PDE8A: variants seen among roughly 807,000 people sequenced by gnomAD.
PDE8A encodes high affinity cAMP-specific and IBMX-insensitive 3',5'-cyclic phosphodiesterase 8A.
In PDE8A, 59 loss-of-function variants were observed where a neutral mutation model predicts 105.0. The ratio of observed to expected loss-of-function variants is 0.56; its 90% CI spans 0.46 to 0.70. PDE8A has a LOEUF of 0.70. Among genes scored for constraint, PDE8A ranks in the 30% least tolerant of loss-of-function variants. The pLI is 0.00. For missense variants in PDE8A, 1,014 were observed against 1,045.9 expected (o/e 0.97, Z 0.42); for synonymous variants, 355 against 371.9 (o/e 0.95, Z 0.52).
At position 85,098,089 on chromosome 15, in the gene PDE8A, C is replaced by T. The variant is rs374541169; in HGVS notation, c.941+53C>T. On this transcript the variant is annotated intron_variant, in intron 9 of 21. Coordinates refer to ENST00000394553, the MANE Select transcript of PDE8A (RefSeq NM_002605.3). ...CAACATACAGTGTTTTGGGTTATTG[C>T]AGAATTTGCTTTGAATATTTAAGTT... 3.5e-5 allele frequency: 37 copies of T among 1,071,502 alleles called. No homozygotes were observed. The East Asian group carries it at 7.8e-4, about 23-fold the overall frequency. The allele number at this position is 1,071,502 out of a possible 1,614,324, so 66.4% of individuals were successfully genotyped here.
chr15:85,024,724 A>T (rs765356560), intron 1 of PDE8A, among the ~76,000 whole-genome samples: 1 of 151,986 alleles, frequency 6.6e-6, no homozygotes, highest in African/African-American at 2.4e-5. Context: ...TCATTCCCCT[A>T]TTGACTCTTA....
chr15:84,995,098 A>G (rs1461544416), intron 1 of PDE8A, among the ~76,000 whole-genome samples: 2 of 152,178 alleles, frequency 1.3e-5, no homozygotes, highest in Non-Finnish European at 2.9e-5. Flanking sequence ...AAATGCACAA[A>G]TATTTAGTGT....
At chr15:85,133,327 A>G (rs1480674045) in intron 20 of PDE8A, among the ~76,000 whole-genome samples, 1 of 151,984 alleles carries the variant, frequency 6.6e-6, no homozygotes, top group African/African-American at 2.4e-5. Flanking sequence ...TTGCTTTTCT[A>G]CCTGGGAGCT....
chr15:85,099,851 C>A, intron 9 of PDE8A, 164 bp from the exon 10 acceptor site: 1 of 628,698 alleles, frequency 1.6e-6, no homozygotes, highest in East Asian at 2.6e-5. Context: ...TGTTTGTGAT[C>A]TCTTCTTTAT....
rs148117493 is a variant in PDE8A, at chr15:85,046,155, C to T, written c.187-18215C>T. ...CTGTCTCAGCTCAGTGCAATCTCTG[C>T]CTCCCAGGTTCAATCCCTCCTGAGT... is the stretch of plus-strand genomic sequence containing the variant. On this transcript the variant is annotated intron_variant, in intron 1 of 21. Transcript: ENST00000394553. Among the ~76,000 whole-genome samples the T allele has an allele frequency of 8.9e-3, 1,341 of 151,414 alleles. 23 individuals carry two copies. Among genetic ancestry groups the T allele is most frequent in the African/African-American group, 0.031 (1,269 of 41,188 alleles).
chr15:85,098,063 T>TC, intron 9 of PDE8A, 27 bp downstream of exon 9: 1 of 1,266,034 alleles, frequency 7.9e-7, no homozygotes, highest in Non-Finnish European at 1.2e-6. Context: ...AGTACATCAA[T>TC]CAACATACAG....
At chr15:85,054,709 T>A (rs2089126407) in intron 1 of PDE8A, among the ~76,000 whole-genome samples, 1 of 152,098 alleles carries the variant, frequency 6.6e-6, no homozygotes, top group Non-Finnish European at 1.5e-5. Flanking sequence ...TCTCTCTTCT[T>A]TGTTAGTCTT....
intron 1 of PDE8A, among the ~76,000 whole-genome samples, chr15:85,036,831 C>T (rs1031122896): frequency 6.6e-6 from 1 of 152,026 alleles, no homozygotes; most frequent in Non-Finnish European, 1.5e-5. Context: ...CCATCAGGCC[C>T]CAAGAATGAG....
At position 85,113,379 on chromosome 15, in the gene PDE8A, T is replaced by C. The variant is rs750903696; in HGVS notation, c.1117T>C (p.Ser373Pro). 1.8e-5 allele frequency: 29 copies of C among 1,613,924 alleles called. No individual in the cohort carries two copies. In the South Asian group the frequency reaches 2.9e-4, roughly 16 times the overall value. The change falls in exon 13 of 22, where the codon TCC (serine) becomes CCC (proline). Residue 373 changes from serine (S) to proline (P), a missense_variant and splice_region_variant. Physicochemically the swap from Ser to Pro is moderately conservative, Grantham distance 74 (BLOSUM62 -1). Transcript: ENST00000394553. ...KAVASRATEV[S>P]SQRRHSSMAR... The stretch of plus-strand genomic sequence containing the variant: ...TTTGTGCATCCCTTTCTCCACAGTT[T>C]CCAGCCAGAGACGACACTCTTCCAT...
chr15:85,111,255 A>G (rs2082016476), intron 12 of PDE8A, among the ~76,000 whole-genome samples: 1 of 152,164 alleles, frequency 6.6e-6, no homozygotes, highest in Non-Finnish European at 1.5e-5. Flanking sequence ...TTCTATTATT[A>G]CTTGCGCTTT....
intron 1 of PDE8A, among the ~76,000 whole-genome samples, chr15:85,058,107 G>T (rs953164948): frequency 1.3e-5 from 2 of 152,076 alleles, no homozygotes; most frequent in Admixed American, 6.6e-5. Context: ...AAGGGATAGG[G>T]TCTTGCTCTG....
intron 3 of PDE8A, among the ~76,000 whole-genome samples, chr15:85,073,275 AGTT>A (rs1406972410): frequency 6.6e-6 from 1 of 152,146 alleles, no homozygotes; most frequent in Non-Finnish European, 1.5e-5. Flanking sequence ...TTTCTTTCCT[AGTT>A]TTCATGAATT....
At chr15:85,095,533 G>A (rs2081732125) in intron 8 of PDE8A, among the ~76,000 whole-genome samples, 5 of 151,888 alleles carry the variant, frequency 3.3e-5, no homozygotes, top group Admixed American at 1.3e-4. Flanking sequence ...TAGCAGATAC[G>A]AGGTTTCACC....
At position 85,104,801 on chromosome 15, in the gene PDE8A, A is replaced by C. The variant is rs568478115; in HGVS notation, c.1037-4252A>C. ...TGGCCCTGGGCCAACTATTCTGAAGAGAGAAAGTGAGGCAGGAAGACTGAG... is the reference window on the plus strand; with the variant it reads ...TGGCCCTGGGCCAACTATTCTGAAGCGAGAAAGTGAGGCAGGAAGACTGAG... On this transcript the variant is annotated intron_variant, in intron 11 of 21. Transcript: ENST00000394553. Among the ~76,000 whole-genome samples the C allele has an allele frequency of 1.3e-4, 20 of 152,292 alleles. No individual in the cohort carries two copies. The South Asian group carries it at 2.5e-3, about 19-fold the overall frequency.
intron 1 of PDE8A, among the ~76,000 whole-genome samples, chr15:85,043,790 C>G (rs544853687): frequency 6.6e-6 from 1 of 151,984 alleles, no homozygotes; most frequent in Non-Finnish European, 1.5e-5. Context: ...CTCTGCCTCC[C>G]GGGTTCAGGT....
rs528189340 is a variant in PDE8A at position 85,129,391 on chromosome 15, G to A, written c.2253+3017G>A. ...AACCATCCTTTCTTGGGAGGTTTTT[G>A]ATTACTGATTCAATCTCCTTGCTAG... is the stretch of plus-strand genomic sequence containing the variant. On this transcript the variant is annotated intron_variant, in intron 20 of 21. Transcript: ENST00000394553. Among the ~76,000 whole-genome samples the A allele has an allele frequency of 5.9e-5, 9 of 152,260 alleles. No homozygotes were observed. In the South Asian group the frequency reaches 1.7e-3, roughly 28 times the overall value.
At position 85,137,969 on chromosome 15, in the gene PDE8A, C is replaced by T; in HGVS notation, c.*66C>T. The T allele has an allele frequency of 1.0e-6, 1 of 998,666 alleles. No individual in the cohort carries two copies. Among genetic ancestry groups the T allele is most frequent in the Non-Finnish European group, 1.6e-6 (1 of 632,396 alleles). 61.9% of individuals were successfully genotyped at this position (998,666 alleles called of 1,614,324 possible). A position where few individuals can be genotyped will look rare whatever the true frequency, so the allele number is the denominator to read the frequency against. On this transcript the variant is annotated 3_prime_UTR_variant, in exon 22 of 22. Transcript: ENST00000394553. ...GTCATTTGGAATTCCTGAGGGCAGC[C>T]AGAGCTCCTTGGTCCTTTCAGTACT...
At chr15:84,995,252 T>C (rs1431101483) in intron 1 of PDE8A, among the ~76,000 whole-genome samples, 1 of 152,186 alleles carries the variant, frequency 6.6e-6, no homozygotes, top group Non-Finnish European at 1.5e-5. Context: ...TTCTGATTTT[T>C]TTCTTACCAC....
intron 11 of PDE8A, among the ~76,000 whole-genome samples, chr15:85,106,754 AAGGC>A (rs2141583427): frequency 6.6e-6 from 1 of 152,306 alleles, no homozygotes; most frequent in Admixed American, 6.5e-5. Context: ...TGAGAGATGA[AAGGC>A]AGGCTGCTGC....
Sources: gnomAD v4.1 joint callset for allele counts (sites outside exome capture counted in the v4.1 genomes callset) on GRCh38, gnomAD v4.1.1 for gene constraint, MANE v1.5 for transcripts, NCBI Gene and HGNC (gene_info 2026-07-23, HGNC 2026-07-21) for gene names.